Variants in CTNNA3 observed in about 807,000 individuals in gnomAD.
CTNNA3 encodes the protein catenin alpha-3.
A neutral mutation model predicts 95.7 loss-of-function variants in CTNNA3; 76 were observed. The observed-to-expected ratio is 0.79, with a 90% CI of 0.66 to 0.96. CTNNA3 has a LOEUF of 0.96. Ranked by LOEUF, CTNNA3 falls within the 40% of genes least tolerant of loss-of-function variation. The probability of loss-of-function intolerance (pLI) is 0.00; values close to 1 mark genes in which losing one functional copy is unlikely to be tolerated. For missense variants in CTNNA3, 1,191 were observed against 1,089.8 expected (o/e 1.09, Z -1.31); for synonymous variants, 431 against 374.4 (o/e 1.15, Z -1.74).
At chr10:66,810,869 T>C (rs2132262201) in intron 7 of CTNNA3, among the ~76,000 whole-genome samples, 1 of 152,308 alleles carries the variant, frequency 6.6e-6, no homozygotes, top group Non-Finnish European at 1.5e-5. Flanking sequence ...GAAATCTCTC[T>C]TGATTCCCAC....
chr10:67,397,254 C>T (rs1042669946), intron 5 of CTNNA3, among the ~76,000 whole-genome samples: 21 of 152,132 alleles, frequency 1.4e-4, no homozygotes, highest in African/African-American at 5.1e-4. Context: ...TTTGGAACTT[C>T]CTAGAGATTT....
At chr10:67,593,994 T>C (rs1283900968) in intron 3 of CTNNA3, among the ~76,000 whole-genome samples, 1 of 152,210 alleles carries the variant, frequency 6.6e-6, no homozygotes, top group African/African-American at 2.4e-5. Context: ...TTGAAAGCCT[T>C]TTCTGTATCT....
At chr10:66,714,664 T>A (rs1487584659) in intron 9 of CTNNA3, among the ~76,000 whole-genome samples, 1 of 152,148 alleles carries the variant, frequency 6.6e-6, no homozygotes, top group African/African-American at 2.4e-5. Context: ...ACTCAGGAGT[T>A]GTTAGAAATG....
intron 10 of CTNNA3, among the ~76,000 whole-genome samples, chr10:66,593,008 A>AG (rs1564554747): frequency 6.6e-6 from 1 of 152,188 alleles, no homozygotes; most frequent in Non-Finnish European, 1.5e-5. Context: ...AAATTCAATA[A>AG]TTTTCAGAAT....
intron 10 of CTNNA3, among the ~76,000 whole-genome samples, chr10:66,569,892 C>A (rs892722134): frequency 2.6e-5 from 4 of 152,114 alleles, no homozygotes; most frequent in African/African-American, 9.7e-5. Context: ...AGAGCCATTA[C>A]TAATAAAAAT....
intron 10 of CTNNA3, among the ~76,000 whole-genome samples, chr10:66,568,902 C>A (rs913110949): frequency 1.3e-5 from 2 of 151,822 alleles, no homozygotes. Context: ...GCAGAGAAAG[C>A]CTTTGCTTCC....
intron 13 of CTNNA3, among the ~76,000 whole-genome samples, chr10:66,186,131 C>A (rs969746701): frequency 6.6e-6 from 1 of 151,990 alleles, no homozygotes; most frequent in Non-Finnish European, 1.5e-5. Flanking sequence ...TTTGAATGTT[C>A]TCATCATAGA....
chr10:65,949,706 C>A (rs568414321), intron 17 of CTNNA3, among the ~76,000 whole-genome samples: 1 of 152,238 alleles, frequency 6.6e-6, no homozygotes, highest in East Asian at 1.9e-4. Flanking sequence ...AAGCAAGGAG[C>A]CTGAGCTTTA....
At chr10:66,189,620 A>C in intron 13 of CTNNA3, among the ~76,000 whole-genome samples, 1 of 139,756 alleles carries the variant, frequency 7.2e-6, no homozygotes, top group African/African-American at 2.9e-5. Context: ...ATATATATAC[A>C]CACATACACA....
At chr10:66,265,748 G>T (rs2091131650) in intron 13 of CTNNA3, among the ~76,000 whole-genome samples, 1 of 151,952 alleles carries the variant, frequency 6.6e-6, no homozygotes, top group Non-Finnish European at 1.5e-5. Context: ...GTAAAAGACT[G>T]CTTTGACTGA....
intron 11 of CTNNA3, among the ~76,000 whole-genome samples, chr10:66,474,720 C>T (rs1395010413): frequency 6.6e-6 from 1 of 151,898 alleles, no homozygotes; most frequent in Admixed American, 6.6e-5. Flanking sequence ...CATTTTTTGT[C>T]TTTTAGATAA....
At chr10:67,561,647 C>A (rs1165724989) in intron 3 of CTNNA3, among the ~76,000 whole-genome samples, 1 of 150,046 alleles carries the variant, frequency 6.7e-6, no homozygotes, top group Admixed American at 6.7e-5. Context: ...CAGAGCAGAA[C>A]TGAAGGAAAT....
At chr10:67,663,683 T>TA (rs200279001) in intron 1 of CTNNA3, among the ~76,000 whole-genome samples, 5,195 of 152,302 alleles carry the variant, frequency 0.034, 89 homozygotes, top group Middle Eastern at 0.075. Flanking sequence ...AATCATTTCT[T>TA]ATTGACCTTA....
rs1858211961 is a variant in CTNNA3, at chr10:67,099,537, A to C, written c.1047+80780T>G. ...CAAAGAAGTTATATCTATAAAATCT[A>C]GTTTTATGCAGGTTTGTCACAGCAA... On this transcript the variant is annotated intron_variant, in intron 7 of 17. Transcript: ENST00000433211. 3 of 152,266 alleles carry C rather than the reference A, an allele frequency of 2.0e-5. No homozygotes were observed. In the Admixed American group the frequency reaches 2.0e-4, roughly 10 times the overall value. The allele number at this position is 152,266 out of a possible 1,614,324, so 9.4% of individuals were successfully genotyped here. A position where few individuals can be genotyped will look rare whatever the true frequency, so the allele number is the denominator to read the frequency against.
intron 6 of CTNNA3, among the ~76,000 whole-genome samples, chr10:67,197,802 A>G (rs543127352): frequency 6.6e-6 from 1 of 152,244 alleles, no homozygotes; most frequent in African/African-American, 2.4e-5. Context: ...TTTCCAGTTA[A>G]CTAGGGCTTA....
chr10:65,961,193 C>T (rs1437903887), intron 17 of CTNNA3, among the ~76,000 whole-genome samples: 1 of 151,970 alleles, frequency 6.6e-6, no homozygotes, highest in Non-Finnish European at 1.5e-5. Flanking sequence ...TCTGCTCTGA[C>T]CCTCAAGTAT....
At chr10:66,915,687 G>A (rs1243560788) in intron 7 of CTNNA3, among the ~76,000 whole-genome samples, 2 of 149,180 alleles carry the variant, frequency 1.3e-5, no homozygotes, top group African/African-American at 2.5e-5. Context: ...GGAAAGCTTC[G>A]GCATTTGACA....
intron 12 of CTNNA3, among the ~76,000 whole-genome samples, chr10:66,329,543 T>C (rs7918347): frequency 0.91 from 137,290 of 151,314 alleles, 62,525 homozygotes; most frequent in East Asian, 1. Flanking sequence ...TTCAGCTCTG[T>C]CATTAGAAAC....
intron 11 of CTNNA3, among the ~76,000 whole-genome samples, chr10:66,387,746 C>T (rs2092904569): frequency 6.6e-6 from 1 of 152,122 alleles, no homozygotes; most frequent in Non-Finnish European, 1.5e-5. Flanking sequence ...ACATATACAC[C>T]ATGGAATACT....
Sources: allele counts gnomAD v4.1 joint callset (sites outside exome capture counted in the v4.1 genomes callset), GRCh38; gene constraint gnomAD v4.1.1; transcripts MANE v1.5; gene names NCBI Gene and HGNC (gene_info 2026-07-23, HGNC 2026-07-21).